ZSCAN18: variants seen among roughly 807,000 people sequenced by gnomAD.
ZSCAN18 encodes the protein zinc finger and SCAN domain containing 18, also known as zinc finger and SCAN domain-containing protein 18.
ZSCAN18 carries 16 observed loss-of-function variants against 31.1 expected under a neutral mutation model. The ratio of observed to expected loss-of-function variants is 0.51; its 90% CI spans 0.35 to 0.78. ZSCAN18 has a LOEUF of 0.78. Ranked by LOEUF, ZSCAN18 falls within the 30% of genes least tolerant of loss-of-function variation. The pLI is 0.01. For missense variants in ZSCAN18, 731 were observed against 697.4 expected (o/e 1.05, Z -0.54); for synonymous variants, 375 against 320.7 (o/e 1.17, Z -1.81).
intron 1 of ZSCAN18, among the ~76,000 whole-genome samples, chr19:58,117,675 G>A (rs1484767473): frequency 2.0e-5 from 3 of 150,506 alleles, no homozygotes; most frequent in Non-Finnish European, 4.4e-5. Flanking sequence ...GAGAGGAGGG[G>A]TCCATACCCT....
chr19:58,099,560 C>T (rs997807339), upstream of ZSCAN18, among the ~76,000 whole-genome samples: 1 of 152,040 alleles, frequency 6.6e-6, no homozygotes, highest in Non-Finnish European at 1.5e-5. Flanking sequence ...CATTCGTGTA[C>T]AGATTTTTCT....
At chr19:58,093,984 C>T (rs937182277) in intron 1 of ZSCAN18, among the ~76,000 whole-genome samples, 1 of 151,784 alleles carries the variant, frequency 6.6e-6, no homozygotes, top group Non-Finnish European at 1.5e-5. Context: ...AGGCTGGTCT[C>T]GAACTGCTGA....
rs1166039543 is a variant in ZSCAN18, at chr19:58,084,804, C to G, written c.1414G>C (p.Gly472Arg). Reference sequence around the variant, plus strand: ...GACGGTTGGGGGCCCCGGGCGCCCCCCAGCGCGTAGCTTTTCTCCTTCTCG... The same window carrying G: ...GACGGTTGGGGGCCCCGGGCGCCCCGCAGCGCGTAGCTTTTCTCCTTCTCG... ...THEKEKSYAL[G>R]GARGPQPSTR... The change falls in exon 7 of 7, where the codon GGG becomes CGG. Residue 472 changes from glycine to arginine, a missense_variant. This residue lies in a region of ZSCAN18 where 597 missense variants were observed against 499.5 expected (regional missense o/e 1.20). Coordinates refer to ENST00000601144, the MANE Select transcript of ZSCAN18 (RefSeq NM_001145543.2). This position sits in a 1 kb window ranked among gnomAD's most constrained non-coding sequence, Gnocchi z 4.5. 1 of 1,583,408 alleles carries G rather than the reference C, an allele frequency of 6.3e-7. No homozygotes were observed. Among genetic ancestry groups the G allele is most frequent in the South Asian group, 1.1e-5 (1 of 87,998 alleles).
intron 1 of ZSCAN18, chr19:58,108,651 G>A (rs1364655790): frequency 1.2e-4 from 120 of 985,382 alleles, no homozygotes; most frequent in Non-Finnish European, 1.3e-4. Flanking sequence ...TCGGTCTAAC[G>A]GACAGTCCAC....
At chr19:58,108,070 T>A (rs1184315625) in intron 1 of ZSCAN18, 5 of 997,106 alleles carry the variant, frequency 5.0e-6, no homozygotes, top group Non-Finnish European at 4.8e-6. Flanking sequence ...AGTGAAAGAT[T>A]TTTTCACATT....
At chr19:58,109,674 G>A (rs1351207014) in intron 1 of ZSCAN18, among the ~76,000 whole-genome samples, 8 of 152,136 alleles carry the variant, frequency 5.3e-5, no homozygotes, top group Admixed American at 5.2e-4. Context: ...TATATATACT[G>A]AAAGTGCACA....
intron 1 of ZSCAN18, among the ~76,000 whole-genome samples, chr19:58,097,301 G>T (rs1050052607): frequency 6.6e-6 from 1 of 152,078 alleles, no homozygotes; most frequent in Admixed American, 6.5e-5. Context: ...AGTCTGGACG[G>T]GGGTAGAGGG....
At chr19:58,088,898 C>A in intron 2 of ZSCAN18, 61 bp from the exon 3 acceptor site, 1 of 1,541,482 alleles carries the variant, frequency 6.5e-7, no homozygotes, top group Admixed American at 1.8e-5. Flanking sequence ...ACAACAATCA[C>A]ACAGTTAAAC....
At chr19:58,117,528 C>A (rs908721471) in intron 1 of ZSCAN18, among the ~76,000 whole-genome samples, 3 of 152,056 alleles carry the variant, frequency 2.0e-5, no homozygotes, top group African/African-American at 7.2e-5. Context: ...AGAGGAAGAA[C>A]AGGGTTGTTA....
intron 6 of ZSCAN18, chr19:58,085,924 T>G: frequency 3.9e-6 from 2 of 513,660 alleles, no homozygotes; most frequent in Admixed American, 3.3e-5. Context: ...CCGGGACCAG[T>G]CATACACAGA....
At chr19:58,113,850 C>T (rs989698190) in intron 1 of ZSCAN18, among the ~76,000 whole-genome samples, 1 of 152,148 alleles carries the variant, frequency 6.6e-6, no homozygotes, top group Non-Finnish European at 1.5e-5. Context: ...TGGTGGCATG[C>T]GCCTGAAATC....
chr19:58,090,036 G>A lies in ZSCAN18; in HGVS notation c.232C>T (p.Leu78=), dbSNP rs1568632698. The stretch of plus-strand genomic sequence containing the variant: ...TCCTTGGAGCGCGCCTCAGGCATCA[G>A]CCACTGGCGGCACAGCTCATGCAGC... ...ARLHELCRQW[L]MPEARSKEQM... is the part of the protein sequence containing the mutation. The change falls in exon 2 of 7, where the codon CTG becomes TTG. Residue 78 remains leucine, a synonymous_variant. Coordinates refer to ENST00000601144, the MANE Select transcript of ZSCAN18 (RefSeq NM_001145543.2). The surrounding 1 kb of genome is among the most constrained non-coding windows in gnomAD (Gnocchi z 4.7). 1 of 1,613,980 alleles carries A rather than the reference G, an allele frequency of 6.2e-7. No homozygotes were observed. The highest frequency in any genetic ancestry group is 1.1e-5 in the South Asian group (1 of 91,078).
chr19:58,108,641 T>C (rs1359512093), intron 1 of ZSCAN18: 1 of 985,448 alleles, frequency 1.0e-6, no homozygotes, highest in Non-Finnish European at 1.2e-6. Context: ...AAATGAGATT[T>C]CGGTCTAACG....
At chr19:58,089,103 G>T (rs867886939) in intron 2 of ZSCAN18, among the ~76,000 whole-genome samples, 2 of 141,938 alleles carry the variant, frequency 1.4e-5, no homozygotes, top group African/African-American at 5.3e-5. Context: ...GGAGATCGAG[G>T]CCATCCCGGC....
chr19:58,108,471 G>C, intron 1 of ZSCAN18: 1 of 985,694 alleles, frequency 1.0e-6, no homozygotes, highest in Non-Finnish European at 1.2e-6. Context: ...GGTAAAGGTG[G>C]AGCCAGCACT....
At chr19:58,109,832 GA>G (rs1228775372) in intron 1 of ZSCAN18, among the ~76,000 whole-genome samples, 1 of 151,976 alleles carries the variant, frequency 6.6e-6, no homozygotes, top group African/African-American at 2.4e-5. Context: ...AATTAACATA[GA>G]TTTTTTTTCA....
At chr19:58,085,406 G>A in intron 6 of ZSCAN18, 27 bp from the exon 7 acceptor site, 2 of 1,543,536 alleles carry the variant, frequency 1.3e-6, no homozygotes, top group Middle Eastern at 2.3e-4. Context: ...GCCCTAGCGT[G>A]AGCGCCCCGC....
In ZSCAN18 at chr19:58,087,393, G is replaced by C. The variant is rs1326491111; in HGVS notation, c.565C>G (p.Pro189Ala). ...PAPSETPWLSPDPLFLEQRRV... is the reference protein window; with the variant it reads ...PAPSETPWLSADPLFLEQRRV... Reference sequence around the variant, plus strand: ...CTCTGTTCCAGAAACAGGGGGTCCGGAGAAAGCCAGGCTGGGGAGAAGGAG... The same window carrying C: ...CTCTGTTCCAGAAACAGGGGGTCCGCAGAAAGCCAGGCTGGGGAGAAGGAG... Residue 189 changes from proline to alanine, a missense_variant, in exon 4 of 7, where the codon CCG becomes GCG. By Grantham distance (27) the Pro-to-Ala change is conservative. Transcript: ENST00000601144. 1 of 1,599,636 alleles carries C rather than the reference G, an allele frequency of 6.3e-7. No individual in the cohort carries two copies. The highest frequency in any genetic ancestry group is 2.2e-5 in the East Asian group (1 of 44,630).
chr19:58,099,045 T>C (rs1401940507), upstream of ZSCAN18, among the ~76,000 whole-genome samples: 2 of 152,216 alleles, frequency 1.3e-5, no homozygotes, highest in East Asian at 3.8e-4. Context: ...CCATTTCAGT[T>C]TTCCAGATAG....
Sources: gnomAD v4.1 joint callset for allele counts (sites outside exome capture counted in the v4.1 genomes callset) on GRCh38, gnomAD v4.1.1 for gene constraint, gnomAD v4.1.1 regional missense constraint, Gnocchi (gnomAD v3.1) non-coding constraint, MANE v1.5 for transcripts, NCBI Gene and HGNC (gene_info 2026-07-23, HGNC 2026-07-21) for gene names.